TNIK: variants seen among roughly 807,000 people sequenced by gnomAD.
TNIK encodes the protein TRAF2 and NCK-interacting protein kinase.
A neutral mutation model predicts 191.3 loss-of-function variants in TNIK; 49 were observed. The ratio of observed to expected loss-of-function variants is 0.26; its 90% CI spans 0.20 to 0.32. TNIK has a LOEUF of 0.32. TNIK is among the 10% of genes least tolerant of loss of function. TNIK has a pLI of 1.00. For missense variants in TNIK, 1,155 were observed against 1,702.3 expected (o/e 0.68, Z 5.66); for synonymous variants, 594 against 600.9 (o/e 0.99, Z 0.17).
Position 171,295,687 on chromosome 3 carries a change from TG to T in TNIK, c.124-67467del, listed in dbSNP as rs1362559864. 6.6e-5 allele frequency among the ~76,000 whole-genome samples: 10 copies of T among 152,034 alleles called. No individual in the cohort carries two copies. The East Asian group carries it at 1.9e-3, about 29-fold the overall frequency. ...CAGGGAAATTAAGAACATTTTACAC[TG>T]TGGCTGCCTGGAGGCCACGGTATTG... On this transcript the variant is annotated intron_variant, in intron 2 of 32. Coordinates refer to ENST00000436636, the MANE Select transcript of TNIK (RefSeq NM_015028.4).
At chr3:171,205,716 C>G (rs1739979914) in intron 4 of TNIK, among the ~76,000 whole-genome samples, 1 of 152,172 alleles carries the variant, frequency 6.6e-6, no homozygotes, top group African/African-American at 2.4e-5. Flanking sequence ...CCATCCCCCT[C>G]ACTCCATGTT....
At chr3:171,385,991 C>T (rs1209855263) in intron 1 of TNIK, among the ~76,000 whole-genome samples, 1 of 152,180 alleles carries the variant, frequency 6.6e-6, no homozygotes, top group East Asian at 1.9e-4. Flanking sequence ...ACATAAATGA[C>T]TCTGATGTAA....
At chr3:171,195,644 T>C (rs1056450894) in intron 4 of TNIK, among the ~76,000 whole-genome samples, 1 of 152,192 alleles carries the variant, frequency 6.6e-6, no homozygotes, top group East Asian at 1.9e-4. Flanking sequence ...TTTCTTTTTC[T>C]TTGTATACCT....
chr3:171,235,788 T>G (rs933270629), intron 2 of TNIK, among the ~76,000 whole-genome samples: 1 of 151,196 alleles, frequency 6.6e-6, no homozygotes, highest in Non-Finnish European at 1.5e-5. Flanking sequence ...GTTTATAGAG[T>G]GAGATTTTAG....
chr3:171,085,867 T>TA (rs1307129310), intron 24 of TNIK, among the ~76,000 whole-genome samples: 1 of 152,236 alleles, frequency 6.6e-6, no homozygotes, highest in Non-Finnish European at 1.5e-5. Flanking sequence ...ATGAGGATAT[T>TA]ACGTTTGTGA....
chr3:171,066,883 G>C (rs1718508439), intron 30 of TNIK, 148 bp from the exon 31 acceptor site: 1 of 940,080 alleles, frequency 1.1e-6, no homozygotes. Flanking sequence ...CCACTGACTT[G>C]TAAAATACCC....
intron 2 of TNIK, among the ~76,000 whole-genome samples, chr3:171,313,574 T>A (rs1007496829): frequency 2.6e-5 from 4 of 152,190 alleles, no homozygotes; most frequent in Admixed American, 6.5e-5. Flanking sequence ...GATATTCACT[T>A]ACAATTAAAT....
chr3:171,096,286 C>CAGTCCTT (rs1378301819), intron 22 of TNIK, among the ~76,000 whole-genome samples: 6 of 152,154 alleles, frequency 3.9e-5, no homozygotes, highest in Middle Eastern at 6.8e-3. Flanking sequence ...ACCCCGTCTT[C>CAGTCCTT]AGTCCTTTCC....
At chr3:171,412,072 G>C (rs1027845736) in intron 1 of TNIK, among the ~76,000 whole-genome samples, 1 of 152,150 alleles carries the variant, frequency 6.6e-6, no homozygotes, top group Non-Finnish European at 1.5e-5. Flanking sequence ...CATCCTACTT[G>C]AGTTGTCCTT....
chr3:171,386,443 C>A (rs1455618538), intron 1 of TNIK, among the ~76,000 whole-genome samples: 1 of 151,730 alleles, frequency 6.6e-6, no homozygotes, highest in Non-Finnish European at 1.5e-5. Flanking sequence ...CACAAAGATG[C>A]TAACAAATTT....
At chr3:171,264,603 A>G (rs1418633622) in intron 2 of TNIK, among the ~76,000 whole-genome samples, 1 of 152,012 alleles carries the variant, frequency 6.6e-6, no homozygotes, top group Non-Finnish European at 1.5e-5. Context: ...AACAGAAGGA[A>G]ATTTGTCTGC....
Position 171,369,631 on chromosome 3 carries a change from G to T in TNIK, c.112C>A (p.Gln38Lys). 6.3e-7 allele frequency: 1 copy of T among 1,576,932 alleles called. No individual in the cohort carries two copies. The highest frequency in any genetic ancestry group is 2.3e-5 in the East Asian group (1 of 43,248). Residue 38 changes from glutamine (Q) to lysine (K), a missense_variant, in exon 2 of 33, where the codon CAA becomes AAA. Gln to Lys is a moderately conservative substitution (Grantham distance 53, BLOSUM62 1). Around this residue, in one of 3 missense-constraint regions of TNIK, gnomAD observed 225 missense variants for 438.9 expected, o/e 0.51. Transcript: ENST00000436636. ...CTCAATGTACTTACCTTATAAACTT[G>T]CCCGTATGTTCCATTTCCAACAAGT... Reference protein sequence around the residue: ...VELVGNGTYGQVYKGRHVKTG... With the variant: ...VELVGNGTYGKVYKGRHVKTG...
Position 171,423,552 on chromosome 3 carries a change from T to C in TNIK, c.57+36455A>G, listed in dbSNP as rs1724103677. The stretch of plus-strand genomic sequence containing the variant: ...CAACCCTAAGCCAAAAGAACAAAGC[T>C]GGAGGCATCACACTACCTGACTTCA... On this transcript the variant is annotated intron_variant, in intron 1 of 32. Coordinates refer to ENST00000436636, the MANE Select transcript of TNIK (RefSeq NM_015028.4). 2.0e-5 allele frequency among the ~76,000 whole-genome samples: 3 copies of C among 152,250 alleles called. No individual in the cohort carries two copies. The South Asian group carries it at 6.2e-4, about 32-fold the overall frequency.
intron 19 of TNIK, among the ~76,000 whole-genome samples, chr3:171,110,459 G>A (rs1725677921): frequency 6.6e-6 from 1 of 152,168 alleles, no homozygotes; most frequent in East Asian, 1.9e-4. Context: ...AAATAAGACT[G>A]ATATTTGGTG....
At chr3:171,294,672 G>A (rs941929688) in intron 2 of TNIK, among the ~76,000 whole-genome samples, 6 of 152,104 alleles carry the variant, frequency 3.9e-5, no homozygotes, top group Non-Finnish European at 7.4e-5. Flanking sequence ...AGTGAGCCAG[G>A]ATTGCGCCAT....
At chr3:171,440,929 T>C (rs1726725279) in intron 1 of TNIK, among the ~76,000 whole-genome samples, 2 of 152,168 alleles carry the variant, frequency 1.3e-5, no homozygotes, top group Admixed American at 1.3e-4. Context: ...CAAAGTCCTT[T>C]CTCTACAGGA....
intron 1 of TNIK, among the ~76,000 whole-genome samples, chr3:171,386,783 C>T (rs1577724889): frequency 6.6e-6 from 1 of 152,142 alleles, no homozygotes; most frequent in Non-Finnish European, 1.5e-5. Context: ...CAGTCACTTG[C>T]TAATTACAAT....
At chr3:171,306,084 G>A (rs1001082450) in intron 2 of TNIK, among the ~76,000 whole-genome samples, 2 of 152,120 alleles carry the variant, frequency 1.3e-5, no homozygotes, top group Non-Finnish European at 2.9e-5. Context: ...GGAACCGGAG[G>A]CCATTTCCTT....
intron 3 of TNIK, among the ~76,000 whole-genome samples, chr3:171,215,955 G>A (rs1480990805): frequency 1.3e-5 from 2 of 152,158 alleles, no homozygotes; most frequent in Non-Finnish European, 2.9e-5. Flanking sequence ...AGTATAAGGT[G>A]TATAGATTCA....
Sources: allele counts gnomAD v4.1 joint callset (sites outside exome capture counted in the v4.1 genomes callset), GRCh38; gene constraint gnomAD v4.1.1; regional missense constraint gnomAD v4.1.1; transcripts MANE v1.5; gene names NCBI Gene and HGNC (gene_info 2026-07-23, HGNC 2026-07-21).